Variants in KCTD1 observed in about 807,000 individuals in gnomAD.
KCTD1 encodes BTB/POZ domain-containing protein KCTD1.
Under a neutral mutation model 66.0 loss-of-function variants are expected in KCTD1, and 24 were observed. That is an observed-to-expected ratio of 0.36 (90% CI 0.26 to 0.51). KCTD1 has a LOEUF of 0.51. Ranked by LOEUF, KCTD1 falls within the 20% of genes least tolerant of loss-of-function variation. The pLI is 0.95. For synonymous variants in KCTD1, 511 were observed against 517.2 expected, an observed-to-expected ratio of 0.99 and a Z score of 0.16; for missense variants, 943 against 1,205.2, an observed-to-expected ratio of 0.78 and a Z score of 3.22.
chr18:26,616,258 T>C (rs1309330751), intron 1 of KCTD1, among the ~76,000 whole-genome samples: 2 of 151,786 alleles, frequency 1.3e-5, no homozygotes, highest in East Asian at 3.9e-4. Context: ...GATTGATAGA[T>C]TGATCAAATG....
intron 2 of KCTD1, among the ~76,000 whole-genome samples, chr18:26,478,574 T>G (rs868441796): frequency 8.5e-5 from 13 of 152,324 alleles, no homozygotes; most frequent in African/African-American, 2.4e-4. Context: ...AAATCCTGTT[T>G]TTTAATTTTT....
At chr18:26,556,034 G>GA (rs34637023) in intron 1 of KCTD1, among the ~76,000 whole-genome samples, 149,621 of 151,352 alleles carry the variant, frequency 0.99, 73,961 homozygotes, top group East Asian at 1. Context: ...AACTAAAAAA[G>GA]AAAAAAAAAT....
At chr18:26,595,363 GA>G (rs1986742608) in intron 1 of KCTD1, among the ~76,000 whole-genome samples, 1 of 152,152 alleles carries the variant, frequency 6.6e-6, no homozygotes, top group Admixed American at 6.5e-5. Context: ...TTCTTCAGTA[GA>G]AACAGAATCC....
intron 1 of KCTD1, among the ~76,000 whole-genome samples, chr18:26,501,507 G>T (rs180714118): frequency 6.6e-6 from 1 of 152,148 alleles, no homozygotes; most frequent in African/African-American, 2.4e-5. Flanking sequence ...GACTATGAAG[G>T]CTTATTATAC....
intron 1 of KCTD1, chr18:26,575,310 G>C (rs1986199085): frequency 6.6e-6 from 1 of 152,192 alleles, no homozygotes; most frequent in Admixed American, 6.5e-5. Context: ...ACTCGGATAC[G>C]CGTGCAGACT....
chr18:26,616,967 G>A (rs1189240644), intron 1 of KCTD1, among the ~76,000 whole-genome samples: 2 of 152,244 alleles, frequency 1.3e-5, no homozygotes, highest in Non-Finnish European at 2.9e-5. Context: ...CAATTGTTTT[G>A]TATTTCAGTA....
intron 1 of KCTD1, among the ~76,000 whole-genome samples, chr18:26,650,934 T>C (rs1988019111): frequency 6.6e-6 from 1 of 152,230 alleles, no homozygotes; most frequent in East Asian, 1.9e-4. Context: ...AATAGCAGCG[T>C]TGGTGTCGGC....
rs189514476 is a variant in KCTD1 at position 26,476,179 on chromosome 18, C to G, written c.2133+336G>C. ...CATGTTTGCTTTCGATTTCTAGGGG[C>G]GGGGACGGGGAAGTCTTCATTAAGC... On this transcript the variant is annotated intron_variant, in intron 3 of 4. Transcript: ENST00000580059. This position sits in a 1 kb window ranked among gnomAD's most constrained non-coding sequence, Gnocchi z 4.9. 3.9e-4 allele frequency among the ~76,000 whole-genome samples: 59 copies of G among 152,182 alleles called. No individual in the cohort carries two copies. The highest frequency in any genetic ancestry group is 2.3e-3 in the Admixed American group (35 of 15,292).
At chr18:26,480,491 T>C (rs1054839892) in intron 2 of KCTD1, among the ~76,000 whole-genome samples, 5 of 152,220 alleles carry the variant, frequency 3.3e-5, no homozygotes, top group African/African-American at 7.2e-5. Context: ...CTCTGAGGCT[T>C]GGGCATGGTG....
rs1352672554 is a variant in KCTD1, at chr18:26,532,257, CCTTCTTTTTTTTTTTTT to C, written c.1809+14454_1809+14470del. ...TATTCTTTTTCTTTTTCTTTTCTTT[CCTTCTTTTTTTTTTTTT>C]TTTTTTTTTTTTTGAGACAGGGCCT... On this transcript the variant is annotated intron_variant, in intron 1 of 4. Transcript: ENST00000580059. 6.8e-4 allele frequency among the ~76,000 whole-genome samples: 87 copies of C among 128,206 alleles called. No homozygotes were observed. The East Asian group carries it at 8.4e-3, about 12-fold the overall frequency. 84.1% of individuals were successfully genotyped at this position (128,206 alleles called of 152,430 possible). A position where few individuals can be genotyped will look rare whatever the true frequency, so the allele number is the denominator to read the frequency against.
Position 26,548,528 on chromosome 18 carries a change from T to C in KCTD1, c.9A>G (p.Arg3=). ...TGTTACAGTCCCCGCTGCCAGGCAT[T>C]CTCGCCATATTGCCGTCTCTCTGCC... MA[R]MPGSGDCNTS... Residue 3 remains arginine, a synonymous_variant, in exon 1 of 5, where the codon AGA becomes AGG. Coordinates refer to ENST00000580059, the MANE Select transcript of KCTD1 (RefSeq NM_001142730.3). 1 of 1,234,714 alleles carries C rather than the reference T, an allele frequency of 8.1e-7. No individual in the cohort carries two copies. The highest frequency in any genetic ancestry group is 1.0e-6 in the Non-Finnish European group (1 of 993,402). The allele number at this position is 1,234,714 out of a possible 1,614,324, so 76.5% of individuals were successfully genotyped here. A position where few individuals can be genotyped will look rare whatever the true frequency, so the allele number is the denominator to read the frequency against.
intron 1 of KCTD1, among the ~76,000 whole-genome samples, chr18:26,651,849 G>A (rs1253290350): frequency 4.6e-5 from 7 of 151,086 alleles, no homozygotes; most frequent in Non-Finnish European, 8.8e-5. Context: ...TCTAATAAAG[G>A]GTTGGCCATA....
chr18:26,549,706 T>A (rs1985470821), upstream of KCTD1: 14 of 985,150 alleles, frequency 1.4e-5, no homozygotes, highest in Admixed American at 1.2e-4. Context: ...ATTCGGCAAT[T>A]CGGATCCGGA....
intron 1 of KCTD1, among the ~76,000 whole-genome samples, chr18:26,542,238 A>AG (rs1336234947): frequency 6.6e-6 from 1 of 152,234 alleles, no homozygotes; most frequent in Non-Finnish European, 1.5e-5. Flanking sequence ...CTTTCATGTT[A>AG]GTTTATCAAG....
chr18:26,638,457 A>G (rs7244414), intron 1 of KCTD1, among the ~76,000 whole-genome samples: 7,317 of 152,332 alleles, frequency 0.048, 327 homozygotes, highest in African/African-American at 0.12. Flanking sequence ...TGGCTGTTCA[A>G]GCTGTAGCAG....
intron 1 of KCTD1, among the ~76,000 whole-genome samples, chr18:26,521,930 C>G (rs753367461): frequency 8.5e-4 from 129 of 152,192 alleles, no homozygotes; most frequent in Non-Finnish European, 1.6e-3. Context: ...AAACTGTACA[C>G]TTAAAAACAG....
At chr18:26,525,036 ACT>A (rs1410163858) in intron 1 of KCTD1, among the ~76,000 whole-genome samples, 2 of 151,982 alleles carry the variant, frequency 1.3e-5, no homozygotes, top group African/African-American at 4.8e-5. Context: ...CCTAAAAAAA[ACT>A]CTCTCATAGA....
intron 1 of KCTD1, among the ~76,000 whole-genome samples, chr18:26,564,765 T>C (rs1052030789): frequency 6.6e-6 from 1 of 152,058 alleles, no homozygotes; most frequent in South Asian, 2.1e-4. Context: ...GATGCACGCC[T>C]GTAATTCCAG....
At chr18:26,470,659 C>T (rs1004519143) in intron 3 of KCTD1, among the ~76,000 whole-genome samples, 3 of 152,208 alleles carry the variant, frequency 2.0e-5, no homozygotes, top group Non-Finnish European at 4.4e-5. Flanking sequence ...TTGGCTGTTC[C>T]CACTCTCGTA....
Sources: gnomAD v4.1 joint callset for allele counts (sites outside exome capture counted in the v4.1 genomes callset) on GRCh38, gnomAD v4.1.1 for gene constraint, Gnocchi (gnomAD v3.1) non-coding constraint, MANE v1.5 for transcripts, NCBI Gene and HGNC (gene_info 2026-07-23, HGNC 2026-07-21) for gene names.